Variants in RALGAPB observed in about 807,000 individuals in gnomAD.
RALGAPB encodes Ral GTPase activating protein non-catalytic subunit beta.
RALGAPB carries 25 observed loss-of-function variants against 161.1 expected under a neutral mutation model. That is an observed-to-expected ratio of 0.16 (90% confidence interval 0.11 to 0.22). The LOEUF is 0.22. Ranked by LOEUF, RALGAPB falls within the 10% of genes least tolerant of loss-of-function variation. RALGAPB has a pLI of 1.00. For synonymous variants in RALGAPB, 629 were observed against 626.1 expected (o/e 1.00, Z -0.07); for missense variants, 1,391 against 1,815.2 (o/e 0.77, Z 4.25).
intron 8 of RALGAPB, 59 bp downstream of exon 8, chr20:38,517,713 C>T: frequency 6.2e-7 from 1 of 1,605,972 alleles, no homozygotes; most frequent in Non-Finnish European, 8.5e-7. Context: ...ATCTGCCATT[C>T]TTTTTATAAA....
chr20:38,473,493 C>T (rs887851067), intron 1 of RALGAPB, among the ~76,000 whole-genome samples: 15 of 152,196 alleles, frequency 9.9e-5, no homozygotes, highest in African/African-American at 3.6e-4. Flanking sequence ...TGGGAGTAAA[C>T]AGCTAACCCC....
intron 10 of RALGAPB, among the ~76,000 whole-genome samples, chr20:38,522,175 A>G (rs1023554437): frequency 3.3e-5 from 5 of 152,184 alleles, no homozygotes; most frequent in Non-Finnish European, 7.3e-5. Flanking sequence ...GCGCACATTT[A>G]TTTACTGTAG....
At chr20:38,495,462 G>A (rs937849429) in intron 3 of RALGAPB, among the ~76,000 whole-genome samples, 1 of 152,130 alleles carries the variant, frequency 6.6e-6, no homozygotes, top group Non-Finnish European at 1.5e-5. Context: ...GTCATATAGT[G>A]TTATAATTAG....
intron 23 of RALGAPB, among the ~76,000 whole-genome samples, chr20:38,559,075 C>A (rs573199892): frequency 1.1e-3 from 170 of 152,316 alleles, no homozygotes; most frequent in Admixed American, 2.4e-3. Flanking sequence ...AGTCCTGAGT[C>A]TTTTGACCCT....
In RALGAPB at chr20:38,525,500, T is replaced by C. The variant is rs773470234; in HGVS notation, c.1884T>C (p.Phe628=). The change falls in exon 12 of 30, where the codon TTT becomes TTC. Residue 628 remains phenylalanine (F), a synonymous_variant. Coordinates refer to ENST00000262879, the MANE Select transcript of RALGAPB (RefSeq NM_020336.4). ...LLSLLPLPHH[F]GTVKSEVVLE... ...CTTTGTTGCCCCTCCCTCATCATTT[T>C]GGCACAGTCAAATCTGAGGTAATGT... is the stretch of plus-strand genomic sequence containing the variant. 1 of 1,604,616 alleles carries C rather than the reference T, an allele frequency of 6.2e-7. No individual in the cohort carries two copies. Among genetic ancestry groups the C allele is most frequent in the South Asian group, 1.1e-5 (1 of 89,714 alleles).
chr20:38,558,158 G>T, intron 22 of RALGAPB, 137 bp from the exon 23 acceptor site: 1 of 667,200 alleles, frequency 1.5e-6, no homozygotes, highest in Non-Finnish European at 2.2e-6. Context: ...TTTAGTTTAG[G>T]ATTATGGTTG....
In RALGAPB at chr20:38,524,772, T is replaced by C; in HGVS notation, c.1620-6T>C. On this transcript the variant is annotated splice_region_variant and splice_polypyrimidine_tract_variant and intron_variant, in intron 10 of 29. Coordinates refer to ENST00000262879, the MANE Select transcript of RALGAPB (RefSeq NM_020336.4). ...TTTGTTTAAAATTTTTTTCTTGCTT[T>C]CCTAGATTTTACATGCTTTTAATTC... The C allele has an allele frequency of 1.9e-6, 3 of 1,592,848 alleles. No individual in the cohort carries two copies. Among genetic ancestry groups the C allele is most frequent in the Non-Finnish European group, 2.6e-6 (3 of 1,164,708 alleles).
intron 18 of RALGAPB, among the ~76,000 whole-genome samples, chr20:38,541,490 G>A (rs747687480): frequency 6.6e-6 from 1 of 152,006 alleles, no homozygotes; most frequent in African/African-American, 2.4e-5. Context: ...CACTTTGATA[G>A]CTAAGTCCAG....
intron 13 of RALGAPB, among the ~76,000 whole-genome samples, chr20:38,526,386 C>T (rs1276517101): frequency 6.6e-6 from 1 of 152,082 alleles, no homozygotes; most frequent in South Asian, 2.1e-4. Flanking sequence ...CCTCCCGCCT[C>T]GTCCTCTTCC....
intron 14 of RALGAPB, among the ~76,000 whole-genome samples, chr20:38,532,378 A>G (rs1043199300): frequency 2.0e-5 from 3 of 152,042 alleles, no homozygotes; most frequent in African/African-American, 7.2e-5. Flanking sequence ...TTTTAAGCTT[A>G]TATTTCTGTT....
At chr20:38,511,321 C>A (rs947371200) in intron 6 of RALGAPB, among the ~76,000 whole-genome samples, 3 of 135,656 alleles carry the variant, frequency 2.2e-5, no homozygotes, top group Non-Finnish European at 4.9e-5. Flanking sequence ...GTCTGCCTTT[C>A]TTTTTTTTTT....
At chr20:38,480,743 C>CT (rs1180974660) in intron 1 of RALGAPB, among the ~76,000 whole-genome samples, 39 of 90,062 alleles carry the variant, frequency 4.3e-4, no homozygotes, top group Admixed American at 6.1e-4. Flanking sequence ...CCGCCCCCCC[C>CT]TTTTTTTTTT....
intron 1 of RALGAPB, among the ~76,000 whole-genome samples, chr20:38,475,339 A>G (rs1291341036): frequency 2.0e-5 from 3 of 152,234 alleles, no homozygotes; most frequent in African/African-American, 4.8e-5. Context: ...TGTCACAGGA[A>G]TTGACAAATT....
intron 20 of RALGAPB, among the ~76,000 whole-genome samples, chr20:38,550,696 A>T (rs1345499883): frequency 6.6e-6 from 1 of 152,172 alleles, no homozygotes; most frequent in African/African-American, 2.4e-5. Context: ...AGTGAAGCCA[A>T]ACTTGTCTTT....
chr20:38,493,086 T>C lies in RALGAPB; in HGVS notation c.343T>C (p.Tyr115His). 3.1e-6 allele frequency: 5 copies of C among 1,611,808 alleles called. No individual in the cohort carries two copies. The highest frequency in any genetic ancestry group is 3.4e-6 in the Non-Finnish European group (4 of 1,178,506). Reference sequence around the variant, plus strand: ...GCCAGTTATTAAAGAGCCTAATCAATATGTTCAAACTATACTAAAACACCT... The same window carrying C: ...GCCAGTTATTAAAGAGCCTAATCAACATGTTCAAACTATACTAAAACACCT... ...PLPVIKEPNQ[Y>H]VQTILKHLQN... Residue 115 changes from tyrosine (Y) to histidine (H), a missense_variant, in exon 3 of 30, where the codon TAT becomes CAT. Around this residue, in one of 3 missense-constraint regions of RALGAPB, gnomAD observed 946 missense variants for 1,257.2 expected, o/e 0.75. Coordinates refer to ENST00000262879, the MANE Select transcript of RALGAPB (RefSeq NM_020336.4).
intron 6 of RALGAPB, among the ~76,000 whole-genome samples, chr20:38,513,471 C>CGGT (rs1365343423): frequency 5.6e-5 from 1 of 18,006 alleles, no homozygotes; most frequent in Non-Finnish European, 1.0e-4. Context: ...AGAGCGGCGG[C>CGGT]GGTGGGGGGT....
At chr20:38,494,996 TA>T (rs2122910964) in intron 3 of RALGAPB, among the ~76,000 whole-genome samples, 1 of 152,362 alleles carries the variant, frequency 6.6e-6, no homozygotes, top group South Asian at 2.1e-4. Flanking sequence ...TATGTGTGCA[TA>T]AGTGTTAGTA....
At chr20:38,566,814 A>G (rs779640538) in intron 25 of RALGAPB, among the ~76,000 whole-genome samples, 21 of 152,246 alleles carry the variant, frequency 1.4e-4, no homozygotes, top group Non-Finnish European at 2.8e-4. Flanking sequence ...GGAGCTGGCA[A>G]ACCACAGTGG....
intron 6 of RALGAPB, among the ~76,000 whole-genome samples, chr20:38,513,396 TG>T (rs1423420872): frequency 7.6e-6 from 1 of 131,422 alleles, no homozygotes; most frequent in Non-Finnish European, 1.5e-5. Flanking sequence ...CCCAGCTACT[TG>T]GGAGGCTGAG....
Sources: allele counts gnomAD v4.1 joint callset (sites outside exome capture counted in the v4.1 genomes callset), GRCh38; gene constraint gnomAD v4.1.1; regional missense constraint gnomAD v4.1.1; transcripts MANE v1.5; gene names NCBI Gene and HGNC (gene_info 2026-07-23, HGNC 2026-07-21).